Variants in ZNF385D observed in about 807,000 individuals in gnomAD.
The protein encoded by ZNF385D is zinc finger protein 385D, also known as zinc finger protein 659.
ZNF385D carries 15 observed loss-of-function variants against 35.8 expected under a neutral mutation model. That is an observed-to-expected ratio of 0.42 (90% CI 0.28 to 0.64). The LOEUF is 0.64. Among genes scored for constraint, ZNF385D ranks in the 30% least tolerant of loss-of-function variants. The pLI is 0.23. For missense variants in ZNF385D, 474 were observed against 494.6 expected (o/e 0.96, Z 0.39); for synonymous variants, 212 against 186.8 (o/e 1.13, Z -1.10).
chr3:22,103,460 T>C lies in ZNF385D; in HGVS notation c.325+65357A>G, dbSNP rs565187998. ...CCCCAGGATGCCCTAGAGATGATACTATTTTACAATTTTCATAAACTTGTG... is the reference window on the plus strand; with the variant it reads ...CCCCAGGATGCCCTAGAGATGATACCATTTTACAATTTTCATAAACTTGTG... On this transcript the variant is annotated intron_variant, in intron 3 of 5. Transcript: ENST00000494108. Among the ~76,000 whole-genome samples the C allele has an allele frequency of 2.6e-5, 4 of 152,306 alleles. No individual in the cohort carries two copies. In the South Asian group the frequency reaches 8.3e-4, roughly 32 times the overall value.
chr3:22,029,518 A>T (rs1697788771), intron 3 of ZNF385D, among the ~76,000 whole-genome samples: 1 of 152,232 alleles, frequency 6.6e-6, no homozygotes, highest in Non-Finnish European at 1.5e-5. Context: ...AAAGGTAATC[A>T]TCAATACCAG....
At chr3:21,781,578 A>G (rs890951749) in intron 3 of ZNF385D, among the ~76,000 whole-genome samples, 2 of 152,096 alleles carry the variant, frequency 1.3e-5, no homozygotes, top group Non-Finnish European at 2.9e-5. Context: ...GCTATTTCAG[A>G]TAAGTGTTTC....
At chr3:22,092,912 T>A (rs960641825) in intron 3 of ZNF385D, among the ~76,000 whole-genome samples, 2 of 152,214 alleles carry the variant, frequency 1.3e-5, no homozygotes, top group African/African-American at 4.8e-5. Flanking sequence ...ATAACTCATC[T>A]ATTCTTGAAA....
At chr3:21,685,799 T>C (rs2067084244) in intron 1 of ZNF385D, among the ~76,000 whole-genome samples, 1 of 152,126 alleles carries the variant, frequency 6.6e-6, no homozygotes, top group Non-Finnish European at 1.5e-5. Context: ...GAAAATGAAG[T>C]GCTGGAGGTA....
At chr3:22,110,596 C>G (rs1702468556) in intron 3 of ZNF385D, among the ~76,000 whole-genome samples, 1 of 151,356 alleles carries the variant, frequency 6.6e-6, no homozygotes, top group Non-Finnish European at 1.5e-5. Flanking sequence ...AATGAGAACA[C>G]ATGGACACAG....
At chr3:22,362,987 C>A (rs1193008184) in intron 2 of ZNF385D, among the ~76,000 whole-genome samples, 2 of 152,126 alleles carry the variant, frequency 1.3e-5, no homozygotes, top group African/African-American at 4.8e-5. Flanking sequence ...GTCGAGATTA[C>A]TGATGTTCTA....
At chr3:22,141,130 A>G (rs561897086) in intron 3 of ZNF385D, among the ~76,000 whole-genome samples, 3 of 152,228 alleles carry the variant, frequency 2.0e-5, no homozygotes, top group East Asian at 1.9e-4. Flanking sequence ...ACTTAAAAAC[A>G]TAAGAGAGGT....
At chr3:22,365,064 T>C (rs550151696) in intron 2 of ZNF385D, among the ~76,000 whole-genome samples, 2 of 151,816 alleles carry the variant, frequency 1.3e-5, no homozygotes, top group Non-Finnish European at 1.5e-5. Context: ...AGACAGAAAA[T>C]AGCATGGTGG....
chr3:22,240,725 G>A (rs775715654), intron 2 of ZNF385D, among the ~76,000 whole-genome samples: 1 of 150,912 alleles, frequency 6.6e-6, no homozygotes, highest in Non-Finnish European at 1.5e-5. Flanking sequence ...CAAATAACAC[G>A]TCAAACATTG....
chr3:22,143,905 T>G (rs566189377), intron 3 of ZNF385D, among the ~76,000 whole-genome samples: 1 of 152,300 alleles, frequency 6.6e-6, no homozygotes, highest in African/African-American at 2.4e-5. Context: ...ATCTTATTCA[T>G]TTTTAATATT....
intron 2 of ZNF385D, among the ~76,000 whole-genome samples, chr3:22,352,259 G>A (rs933732551): frequency 9.2e-5 from 14 of 152,144 alleles, no homozygotes; most frequent in African/African-American, 3.4e-4. Flanking sequence ...ATCTTTGACA[G>A]GATTTCCTCC....
chr3:21,925,424 A>G (rs1700678139), intron 3 of ZNF385D, among the ~76,000 whole-genome samples: 1 of 152,180 alleles, frequency 6.6e-6, no homozygotes, highest in African/African-American at 2.4e-5. Flanking sequence ...ACACAAAAAC[A>G]TGTTTAGCTT....
chr3:21,630,726 G>C (rs1393051940), intron 2 of ZNF385D, among the ~76,000 whole-genome samples: 1 of 152,020 alleles, frequency 6.6e-6, no homozygotes, highest in Non-Finnish European at 1.5e-5. Context: ...CAGAAATGTG[G>C]AATGAAAAGT....
At chr3:22,343,968 C>A (rs1024443931) in intron 2 of ZNF385D, among the ~76,000 whole-genome samples, 3 of 152,024 alleles carry the variant, frequency 2.0e-5, no homozygotes, top group Non-Finnish European at 4.4e-5. Context: ...ATTTTGACTT[C>A]TCTCTTATTG....
chr3:22,322,632 C>G (rs1417815614), intron 2 of ZNF385D, among the ~76,000 whole-genome samples: 1 of 152,102 alleles, frequency 6.6e-6, no homozygotes, highest in Non-Finnish European at 1.5e-5. Flanking sequence ...ATATTTGTAT[C>G]TCTCCCATCT....
At chr3:21,513,652 T>C (rs776999737) in intron 3 of ZNF385D, among the ~76,000 whole-genome samples, 3 of 152,056 alleles carry the variant, frequency 2.0e-5, no homozygotes, top group Non-Finnish European at 4.4e-5. Context: ...ATCAATATGA[T>C]TGTAATTGTG....
At position 22,032,653 on chromosome 3, in the gene ZNF385D, A is replaced by C. The variant is rs146123584; in HGVS notation, c.325+136164T>G. Among the ~76,000 whole-genome samples, 378 of 152,298 alleles carry C rather than the reference A, an allele frequency of 2.5e-3. 4 individuals carry two copies. Among genetic ancestry groups the C allele is most frequent in the African/African-American group, 8.7e-3 (360 of 41,556 alleles). Reference sequence around the variant, plus strand: ...GGTTAACATAGATCTGGCAAATTAAACTACACACTGACAAGTACTAAACAA... The same window carrying C: ...GGTTAACATAGATCTGGCAAATTAACCTACACACTGACAAGTACTAAACAA... On this transcript the variant is annotated intron_variant, in intron 3 of 5. Transcript: ENST00000494108.
chr3:22,067,499 C>T (rs111377160), intron 3 of ZNF385D, among the ~76,000 whole-genome samples: 31 of 152,272 alleles, frequency 2.0e-4, no homozygotes, highest in African/African-American at 6.7e-4. Flanking sequence ...TCAGAAAAGG[C>T]TTAGAAATCA....
chr3:22,163,023 C>T (rs544246504), intron 3 of ZNF385D, among the ~76,000 whole-genome samples: 28 of 152,198 alleles, frequency 1.8e-4, no homozygotes, highest in Non-Finnish European at 2.9e-5. Flanking sequence ...GAGACATCAG[C>T]AAATCTGAAG....
Sources: gnomAD v4.1 joint callset for allele counts (sites outside exome capture counted in the v4.1 genomes callset) on GRCh38, gnomAD v4.1.1 for gene constraint, MANE v1.5 for transcripts, NCBI Gene and HGNC (gene_info 2026-07-23, HGNC 2026-07-21) for gene names.